NDUFS4: variants seen among roughly 807,000 people sequenced by gnomAD.
NDUFS4 encodes NADH dehydrogenase [ubiquinone] iron-sulfur protein 4, mitochondrial.
Under a neutral mutation model 24.3 loss-of-function variants are expected in NDUFS4, and 28 were observed. The observed-to-expected ratio is 1.15, with a 90% CI of 0.85 to 1.58. The LOEUF is 1.58. NDUFS4 is among the 40% of genes most tolerant of loss of function. The pLI is 0.00. For synonymous variants in NDUFS4, 93 were observed against 69.7 expected, an observed-to-expected ratio of 1.34 and a Z score of -1.67; for missense variants, 223 against 207.9, an observed-to-expected ratio of 1.07 and a Z score of -0.45.
intron 3 of NDUFS4, among the ~76,000 whole-genome samples, chr5:53,648,629 G>A (rs1751929223): frequency 6.6e-6 from 1 of 152,080 alleles, no homozygotes; most frequent in African/African-American, 2.4e-5. Flanking sequence ...TCAACTGAGG[G>A]TGCTTTTGTA....
chr5:53,567,828 C>G (rs1749085111), intron 1 of NDUFS4, among the ~76,000 whole-genome samples: 1 of 152,006 alleles, frequency 6.6e-6, no homozygotes. Flanking sequence ...CTGATGATGG[C>G]AGAAGTTTAC....
chr5:53,656,093 T>C (rs909738198), intron 3 of NDUFS4, among the ~76,000 whole-genome samples: 2 of 152,042 alleles, frequency 1.3e-5, no homozygotes, highest in African/African-American at 4.8e-5. Flanking sequence ...CTGCTTGAGT[T>C]CTCGATGCTC....
chr5:53,683,281 G>C lies in NDUFS4; in HGVS notation c.*60G>C. On this transcript the variant is annotated 3_prime_UTR_variant, in exon 5 of 5. Transcript: ENST00000296684. ...TAAAGTCAGCTGTGCAGTATTTATA[G>C]TCCATGTATAATAAATACATCTCTT... 1.7e-6 allele frequency: 2 copies of C among 1,176,238 alleles called. No homozygotes were observed. Among genetic ancestry groups the C allele is most frequent in the South Asian group, 2.4e-5 (2 of 82,092 alleles). The allele number at this position is 1,176,238 out of a possible 1,614,324, so 72.9% of individuals were successfully genotyped here. A position where few individuals can be genotyped will look rare whatever the true frequency, so the allele number is the denominator to read the frequency against.
At chr5:53,673,610 A>G (rs1053250764) in intron 4 of NDUFS4, among the ~76,000 whole-genome samples, 5 of 152,200 alleles carry the variant, frequency 3.3e-5, no homozygotes, top group South Asian at 2.1e-4. Context: ...TTCTGGCACA[A>G]TCAGTCACTT....
intron 2 of NDUFS4, among the ~76,000 whole-genome samples, chr5:53,620,009 A>C (rs1750980411): frequency 6.6e-6 from 1 of 152,046 alleles, no homozygotes; most frequent in South Asian, 2.1e-4. Context: ...TACTAAATTG[A>C]AGGGTTTAGT....
In NDUFS4 at chr5:53,580,689, C is replaced by CTTCCT. The variant is rs543835770; in HGVS notation, c.98+19952_98+19956dup. ...TCTCTTTCTTTCTTTCTCTTTCGTC[C>CTTCCT]TTCCTTTCCTTTCCTTTCCTTTCCT... On this transcript the variant is annotated intron_variant, in intron 1 of 4. Transcript: ENST00000296684. Among the ~76,000 whole-genome samples the CTTCCT allele has an allele frequency of 3.7e-3, 543 of 147,824 alleles. 4 individuals are homozygous for CTTCCT. Among genetic ancestry groups the CTTCCT allele is most frequent in the African/African-American group, 9.7e-3 (382 of 39,528 alleles).
At chr5:53,638,586 A>G (rs1320316518) in intron 2 of NDUFS4, among the ~76,000 whole-genome samples, 3 of 152,068 alleles carry the variant, frequency 2.0e-5, no homozygotes, top group Non-Finnish European at 4.4e-5. Context: ...TTAGAAAAAA[A>G]TAACTATCAG....
intron 3 of NDUFS4, among the ~76,000 whole-genome samples, chr5:53,654,213 T>C (rs1343430822): frequency 6.6e-6 from 1 of 152,212 alleles, no homozygotes; most frequent in Non-Finnish European, 1.5e-5. Context: ...TATTAAGTAT[T>C]AATGTTTTTG....
chr5:53,568,210 T>C (rs1749100378), intron 1 of NDUFS4, among the ~76,000 whole-genome samples: 1 of 152,116 alleles, frequency 6.6e-6, no homozygotes, highest in South Asian at 2.1e-4. Context: ...AATTTTTCTT[T>C]TATGGGCTCA....
chr5:53,632,853 A>G (rs143904289), intron 2 of NDUFS4, among the ~76,000 whole-genome samples: 2 of 152,182 alleles, frequency 1.3e-5, no homozygotes, highest in South Asian at 4.1e-4. Flanking sequence ...CATATACTAC[A>G]CTGTGACAAT....
chr5:53,665,830 G>A (rs1268997328), intron 4 of NDUFS4, among the ~76,000 whole-genome samples: 1 of 152,188 alleles, frequency 6.6e-6, no homozygotes, highest in Non-Finnish European at 1.5e-5. Context: ...TCCACCCACT[G>A]TCCTGCACAC....
intron 2 of NDUFS4, among the ~76,000 whole-genome samples, chr5:53,614,097 CAGTT>C (rs1561363452): frequency 6.6e-6 from 1 of 150,900 alleles, no homozygotes; most frequent in Non-Finnish European, 1.5e-5. Context: ...TTTATCAAAA[CAGTT>C]AATCATTTAA....
chr5:53,609,460 A>G (rs1236084323), intron 2 of NDUFS4, among the ~76,000 whole-genome samples: 1 of 152,156 alleles, frequency 6.6e-6, no homozygotes, highest in Non-Finnish European at 1.5e-5. Context: ...GCTGTAAACA[A>G]CTGTGTTGCC....
intron 2 of NDUFS4, among the ~76,000 whole-genome samples, chr5:53,612,825 A>G (rs1360771306): frequency 6.6e-6 from 1 of 152,126 alleles, no homozygotes; most frequent in Non-Finnish European, 1.5e-5. Flanking sequence ...GTCAATTTGT[A>G]ATAGTTAAAA....
intron 2 of NDUFS4, among the ~76,000 whole-genome samples, chr5:53,611,132 A>G (rs1750681865): frequency 6.6e-6 from 1 of 151,882 alleles, no homozygotes; most frequent in Admixed American, 6.6e-5. Flanking sequence ...TATACAGTAT[A>G]CAATAAATTA....
intron 2 of NDUFS4, among the ~76,000 whole-genome samples, chr5:53,610,144 A>G (rs774277682): frequency 6.6e-6 from 1 of 152,118 alleles, no homozygotes; most frequent in African/African-American, 2.4e-5. Context: ...AATCATTTCT[A>G]AATTTTTACT....
chr5:53,601,581 C>T (rs1750327710), intron 1 of NDUFS4, among the ~76,000 whole-genome samples: 1 of 152,172 alleles, frequency 6.6e-6, no homozygotes, highest in Admixed American at 6.5e-5. Context: ...TAACAGGTCT[C>T]TTCATTTGAG....
chr5:53,560,904 C>T (rs1293853768), intron 1 of NDUFS4, 144 bp downstream of exon 1: 2 of 1,524,796 alleles, frequency 1.3e-6, no homozygotes, highest in Non-Finnish European at 1.8e-6. Flanking sequence ...GGACTAGGGA[C>T]TGTCTGCTAT....
At chr5:53,602,747 G>C (rs1750365732) in intron 1 of NDUFS4, among the ~76,000 whole-genome samples, 1 of 152,148 alleles carries the variant, frequency 6.6e-6, no homozygotes, top group Admixed American at 6.5e-5. Context: ...CTCTTAAGAT[G>C]CTAAAATGTC....
Sources: gnomAD v4.1 joint callset for allele counts (sites outside exome capture counted in the v4.1 genomes callset) on GRCh38, gnomAD v4.1.1 for gene constraint, MANE v1.5 for transcripts, NCBI Gene and HGNC (gene_info 2026-07-23, HGNC 2026-07-21) for gene names.